Variants in STX6 observed in about 807,000 individuals in gnomAD.
The protein encoded by STX6 is syntaxin 6, also known as syntaxin-6.
In STX6, 23 loss-of-function variants were observed where a neutral mutation model predicts 38.0. The ratio of observed to expected loss-of-function variants is 0.60; its 90% CI spans 0.43 to 0.86. STX6 has a LOEUF of 0.86. STX6 is among the 40% of genes least tolerant of loss of function. The pLI, the probability that STX6 is intolerant of heterozygous loss-of-function variation, is 0.00. For synonymous variants in STX6, 123 were observed against 107.5 expected (o/e 1.14, Z -0.89); for missense variants, 274 against 312.9 (o/e 0.88, Z 0.94).
intron 1 of STX6, among the ~76,000 whole-genome samples, chr1:181,015,570 A>G (rs1028246328): frequency 4.0e-5 from 6 of 151,752 alleles, no homozygotes; most frequent in Non-Finnish European, 7.4e-5. Flanking sequence ...GGGCTCAGAC[A>G]TATTGGCTGC....
chr1:180,998,740 C>A (rs1265219229), intron 3 of STX6, among the ~76,000 whole-genome samples: 1 of 152,226 alleles, frequency 6.6e-6, no homozygotes, highest in African/African-American at 2.4e-5. Flanking sequence ...AGATACCACA[C>A]AACACCTTCA....
In STX6 at chr1:180,990,137, CA is replaced by C. The variant is rs1655713638; in HGVS notation, c.364-29del. The C allele has an allele frequency of 1.9e-6, 3 of 1,612,988 alleles. No individual in the cohort carries two copies. In the African/African-American group the frequency reaches 4.0e-5, roughly 22 times the overall value. On this transcript the variant is annotated intron_variant, in intron 4 of 7. Coordinates refer to ENST00000258301, the MANE Select transcript of STX6 (RefSeq NM_005819.6). ...GTGTGAGAAGAACAACCAGAGGAGT[CA>C]GGAGAAACAAACAATTACTATCTCT...
chr1:180,982,393 A>G (rs1655443258), intron 7 of STX6, among the ~76,000 whole-genome samples: 1 of 152,212 alleles, frequency 6.6e-6, no homozygotes, highest in African/African-American at 2.4e-5. Flanking sequence ...CAACCTGTCA[A>G]AAGTGAAGCA....
intron 1 of STX6, among the ~76,000 whole-genome samples, chr1:181,015,206 C>G (rs181647917): frequency 1.3e-5 from 2 of 152,304 alleles, no homozygotes; most frequent in East Asian, 1.9e-4. Context: ...ATGACTCCCC[C>G]ACTATACTTC....
intron 1 of STX6, among the ~76,000 whole-genome samples, chr1:181,007,756 T>C (rs1656266599): frequency 6.6e-6 from 1 of 152,220 alleles, no homozygotes; most frequent in Non-Finnish European, 1.5e-5. Context: ...CTCAGAGTTA[T>C]GTATACTATG....
chr1:180,976,334 G>A lies in STX6; in HGVS notation c.*236C>T. 2.0e-6 allele frequency: 1 copy of A among 508,042 alleles called. No homozygotes were observed. The highest frequency in any genetic ancestry group is 3.3e-5 in the East Asian group (1 of 30,018). 31.5% of individuals were successfully genotyped at this position (508,042 alleles called of 1,614,324 possible). On this transcript the variant is annotated 3_prime_UTR_variant, in exon 8 of 8. Transcript: ENST00000258301. ...CCTCCGAACTGGACAGGCGGCATGG[G>A]GCTTCTGTTGTCCAGCTGCAGCCAG...
In STX6 at chr1:180,988,489, G is replaced by A. The variant is rs114251562; in HGVS notation, c.490-144C>T. 1.1e-3 allele frequency: 709 copies of A among 617,048 alleles called. 8 individuals carry two copies. Among genetic ancestry groups the A allele is most frequent in the African/African-American group, 8.9e-3 (483 of 54,538 alleles). 38.2% of individuals were successfully genotyped at this position (617,048 alleles called of 1,614,324 possible). On this transcript the variant is annotated intron_variant, in intron 5 of 7. Transcript: ENST00000258301. ...AGCCCAGAAATCAAAGGACCAGACC[G>A]TTGCCTCTGAGAACACACTGCTCAA...
In STX6 at chr1:180,976,489, A is replaced by G; in HGVS notation, c.*81T>C. On this transcript the variant is annotated 3_prime_UTR_variant, in exon 8 of 8. Transcript: ENST00000258301. ...GTTTCCAGGATAGGAATGTGAGTAG[A>G]CGGCAATGTCACACGTGCTCAGCTT... 1 of 1,204,302 alleles carries G rather than the reference A, an allele frequency of 8.3e-7. No individual in the cohort carries two copies. Among genetic ancestry groups the G allele is most frequent in the Non-Finnish European group, 1.2e-6 (1 of 812,230 alleles). 74.6% of individuals were successfully genotyped at this position (1,204,302 alleles called of 1,614,324 possible).
At chr1:180,984,981 C>A (rs1476195702) in intron 6 of STX6, among the ~76,000 whole-genome samples, 2 of 152,130 alleles carry the variant, frequency 1.3e-5, no homozygotes, top group African/African-American at 2.4e-5. Flanking sequence ...AATTACATAT[C>A]CTTTGTATTA....
intron 7 of STX6, among the ~76,000 whole-genome samples, chr1:180,977,659 A>G (rs185676671): frequency 5.1e-4 from 77 of 152,362 alleles, no homozygotes; most frequent in African/African-American, 1.8e-3. Flanking sequence ...ACCACTAGGA[A>G]TAAGAGTTCC....
chr1:180,979,881 A>C (rs544463381), intron 7 of STX6, among the ~76,000 whole-genome samples: 3 of 152,304 alleles, frequency 2.0e-5, no homozygotes, highest in African/African-American at 7.2e-5. Flanking sequence ...GATTTTAAAA[A>C]TGGGCAAAAG....
intron 1 of STX6, among the ~76,000 whole-genome samples, chr1:181,010,631 CTCTTTTTTT>C (rs1246034525): frequency 6.6e-6 from 1 of 152,018 alleles, no homozygotes; most frequent in Non-Finnish European, 1.5e-5. Context: ...GGGAATATGA[CTCTTTTTTT>C]TCTTTTTTTT....
At chr1:181,013,049 T>C (rs1038838542) in intron 1 of STX6, among the ~76,000 whole-genome samples, 12 of 152,178 alleles carry the variant, frequency 7.9e-5, no homozygotes, top group South Asian at 4.2e-4. Flanking sequence ...TAGCCCAACA[T>C]TGATCCCTCG....
chr1:180,993,842 G>A (rs2102312118), intron 3 of STX6, among the ~76,000 whole-genome samples: 1 of 143,828 alleles, frequency 7.0e-6, no homozygotes, highest in Middle Eastern at 3.4e-3. Context: ...AACATCCCTG[G>A]GGTACAAACA....
chr1:180,972,874 T>TAAA lies in STX6; in HGVS notation c.*3695_*3696insTTT. The TAAA allele has an allele frequency of 5.3e-6, 1 of 189,680 alleles. No homozygotes were observed. The highest frequency in any genetic ancestry group is 7.5e-5 in the South Asian group (1 of 13,418). The allele number at this position is 189,680 out of a possible 1,614,324, so 11.7% of individuals were successfully genotyped here. A position where few individuals can be genotyped will look rare whatever the true frequency, so the allele number is the denominator to read the frequency against. On this transcript the variant is annotated 3_prime_UTR_variant, in exon 8 of 8. Coordinates refer to ENST00000258301, the MANE Select transcript of STX6 (RefSeq NM_005819.6). ...ATTCTGGTTTGGTTTTATTTTTTAA[T>TAAA]CAAAAAAAAAAAAAGGAGAGAAAGA...
In STX6 at chr1:180,976,306, T is replaced by A. The variant is rs1273007634; in HGVS notation, c.*264A>T. 1.6e-5 allele frequency: 7 copies of A among 441,088 alleles called. No homozygotes were observed. The Admixed American group carries it at 2.4e-4, about 15-fold the overall frequency. 27.3% of individuals were successfully genotyped at this position (441,088 alleles called of 1,614,324 possible). On this transcript the variant is annotated 3_prime_UTR_variant, in exon 8 of 8. Coordinates refer to ENST00000258301, the MANE Select transcript of STX6 (RefSeq NM_005819.6). ...CCCGGAAGGCAAGGCAGCAGCTAGT[T>A]CTCCTCCGAACTGGACAGGCGGCAT...
chr1:181,007,739 C>A (rs868089427), intron 1 of STX6, among the ~76,000 whole-genome samples: 1 of 151,980 alleles, frequency 6.6e-6, no homozygotes, highest in Admixed American at 6.6e-5. Context: ...CTGAAGACCC[C>A]GAAGAGCTCA....
chr1:180,979,589 C>T (rs1414982197), intron 7 of STX6, among the ~76,000 whole-genome samples: 1 of 152,188 alleles, frequency 6.6e-6, no homozygotes, highest in Non-Finnish European at 1.5e-5. Flanking sequence ...TATCAAACTC[C>T]TGGAAGAAAA....
intron 3 of STX6, among the ~76,000 whole-genome samples, chr1:181,000,614 G>A (rs1433288213): frequency 2.6e-5 from 4 of 152,158 alleles, no homozygotes; most frequent in Admixed American, 6.5e-5. Context: ...TGGGGAAACA[G>A]CTAAATCATA....
Sources: gnomAD v4.1 joint callset for allele counts (sites outside exome capture counted in the v4.1 genomes callset) on GRCh38, gnomAD v4.1.1 for gene constraint, MANE v1.5 for transcripts, NCBI Gene and HGNC (gene_info 2026-07-23, HGNC 2026-07-21) for gene names.